The following DCK variants were observed in gnomAD, a reference collection of about 807,000 sequenced individuals.
The protein encoded by DCK is deoxycytidine kinase, also known as deoxyadenosine kinase.
In DCK, 23 loss-of-function variants were observed where a neutral mutation model predicts 38.3. The observed-to-expected ratio is 0.60, with a 90% CI of 0.43 to 0.85. The LOEUF (loss-of-function observed/expected upper bound fraction) is 0.85. Among genes scored for constraint, DCK ranks in the 40% least tolerant of loss-of-function variants. The probability of loss-of-function intolerance (pLI) is 0.00; values close to 1 mark genes in which losing one functional copy is unlikely to be tolerated. For synonymous variants in DCK, 108 were observed against 100.6 expected, an observed-to-expected ratio of 1.07 and a Z score of -0.44; for missense variants, 259 against 304.4, an observed-to-expected ratio of 0.85 and a Z score of 1.11.
chr4:71,022,209 T>C (rs1224629438), intron 2 of DCK, among the ~76,000 whole-genome samples, 158 bp from the exon 3 acceptor site: 2 of 152,212 alleles, frequency 1.3e-5, no homozygotes, highest in Non-Finnish European at 2.9e-5. Flanking sequence ...CTGAAAAATA[T>C]ATTGGGAAAG....
intron 1 of DCK, among the ~76,000 whole-genome samples, chr4:70,997,630 A>G (rs1739689897): frequency 6.6e-6 from 1 of 152,206 alleles, no homozygotes; most frequent in African/African-American, 2.4e-5. Flanking sequence ...GATCTAATTT[A>G]TAAGGAAGAG....
Position 71,023,664 on chromosome 4 carries a change from C to T in DCK, c.507C>T (p.Ser169=), listed in dbSNP as rs1161998005. 25 of 1,613,364 alleles carry T rather than the reference C, an allele frequency of 1.5e-5. No individual in the cohort carries two copies. The Admixed American group carries it at 4.0e-4, about 26-fold the overall frequency. The part of the protein sequence containing the change: ...HDWMNNQFGQ[S]LELDGIIYLQ... ...GGATGAATAACCAATTTGGCCAAAG[C>T]CTTGAATTGGATGGAATCATTTATC... Residue 169 remains serine, a synonymous_variant, in exon 4 of 7, where the codon AGC becomes AGT. Transcript: ENST00000286648.
At chr4:71,018,507 GT>G (rs1740331349) in intron 2 of DCK, among the ~76,000 whole-genome samples, 1 of 151,898 alleles carries the variant, frequency 6.6e-6, no homozygotes, top group African/African-American at 2.4e-5. Flanking sequence ...TCCCACAAAT[GT>G]AGCTAAACTG....
rs1428327242 is a variant in DCK, at chr4:71,022,557, A to T, written c.398A>T (p.Asp133Val). 1 of 1,523,238 alleles carries T rather than the reference A, an allele frequency of 6.6e-7. No homozygotes were observed. Among genetic ancestry groups the T allele is most frequent in the South Asian group, 1.3e-5 (1 of 76,164 alleles). The allele number at this position is 1,523,238 out of a possible 1,614,324, so 94.4% of individuals were successfully genotyped here. A position where few individuals can be genotyped will look rare whatever the true frequency, so the allele number is the denominator to read the frequency against. Reference protein sequence around the residue: ...VLFFERSVYSDRYIFASNLYE... With the variant: ...VLFFERSVYSVRYIFASNLYE... ...TTTTTTGAACGATCTGTGTATAGTG[A>T]CAGGTATGTATAAATGGCTTGTACG... is the stretch of plus-strand genomic sequence containing the variant. Residue 133 changes from aspartate to valine, a missense_variant, in exon 3 of 7, where the codon GAC becomes GTC. Physicochemically the swap from Asp to Val is radical, Grantham distance 152. Transcript: ENST00000286648.
intron 2 of DCK, among the ~76,000 whole-genome samples, chr4:71,019,379 A>G (rs527451607): frequency 6.6e-6 from 1 of 152,286 alleles, no homozygotes; most frequent in African/African-American, 2.4e-5. Context: ...GGTCTTTTTT[A>G]GTTAATTTTT....
chr4:71,021,075 T>C (rs925648721), intron 2 of DCK, among the ~76,000 whole-genome samples: 3 of 147,036 alleles, frequency 2.0e-5, no homozygotes, highest in Non-Finnish European at 4.5e-5. Context: ...TCTTTTTTTT[T>C]TTTTTTTTTT....
chr4:71,013,978 G>A (rs1232549825), intron 2 of DCK, among the ~76,000 whole-genome samples: 3 of 150,894 alleles, frequency 2.0e-5, no homozygotes, highest in Non-Finnish European at 4.5e-5. Context: ...TTGGATAATT[G>A]GATAAAGACT....
intron 2 of DCK, among the ~76,000 whole-genome samples, chr4:71,000,009 A>G (rs1250773792): frequency 6.6e-6 from 1 of 152,114 alleles, no homozygotes; most frequent in African/African-American, 2.4e-5. Flanking sequence ...TTTACTGTGC[A>G]GAAGCTCCTT....
rs779314574 is a variant in DCK, at chr4:71,022,547, G to C, written c.388G>C (p.Val130Leu). ...EKPVLFFERS[V>L]YSDRYIFASN... is the part of the protein sequence containing the mutation. ...ACCTGTATTATTTTTTGAACGATCT[G>C]TGTATAGTGACAGGTATGTATAAAT... The change falls in exon 3 of 7, where the codon GTG (valine) becomes CTG (leucine). Residue 130 changes from valine to leucine, a missense_variant. Physicochemically the swap from Val to Leu is conservative, Grantham distance 32. Around this residue, in one of 3 missense-constraint regions of DCK, gnomAD observed 159 missense variants for 159.0 expected, o/e 1.00. Coordinates refer to ENST00000286648, the MANE Select transcript of DCK (RefSeq NM_000788.3). 6.4e-6 allele frequency: 10 copies of C among 1,563,030 alleles called. No individual in the cohort carries two copies. Among genetic ancestry groups the C allele is most frequent in the Non-Finnish European group, 8.6e-6 (10 of 1,159,116 alleles).
intron 1 of DCK, chr4:70,994,143 A>T: frequency 1.7e-6 from 1 of 583,628 alleles, no homozygotes; most frequent in Non-Finnish European, 3.1e-6. Context: ...ACTGGGCGCC[A>T]GGCCTGCGGT....
chr4:71,005,150 CTG>C, intron 2 of DCK, among the ~76,000 whole-genome samples: 1 of 152,312 alleles, frequency 6.6e-6, no homozygotes, highest in South Asian at 2.1e-4. Context: ...GTTGTGAAGA[CTG>C]TGGGAAAAAG....
At chr4:71,019,392 G>T (rs545580192) in intron 2 of DCK, among the ~76,000 whole-genome samples, 384 of 152,050 alleles carry the variant, frequency 2.5e-3, no homozygotes, top group African/African-American at 8.7e-3. Context: ...TAATTTTTTT[G>T]TTGTGGCAAA....
In DCK at chr4:71,022,560, G is replaced by A; in HGVS notation, c.401G>A (p.Arg134Lys). ...LFFERSVYSD[R>K]YIFASNLYES... Reference sequence around the variant, plus strand: ...TTTGAACGATCTGTGTATAGTGACAGGTATGTATAAATGGCTTGTACGTGG... The same window carrying A: ...TTTGAACGATCTGTGTATAGTGACAAGTATGTATAAATGGCTTGTACGTGG... The change falls in exon 3 of 7, where the codon AGG becomes AAG. Residue 134 changes from arginine (R) to lysine (K), a missense_variant and splice_region_variant. Arg to Lys is a conservative substitution (Grantham distance 26). Transcript: ENST00000286648. 1 of 1,489,588 alleles carries A rather than the reference G, an allele frequency of 6.7e-7. No individual in the cohort carries two copies. The highest frequency in any genetic ancestry group is 8.9e-7 in the Non-Finnish European group (1 of 1,121,394). 92.3% of individuals were successfully genotyped at this position (1,489,588 alleles called of 1,614,324 possible). A position where few individuals can be genotyped will look rare whatever the true frequency, so the allele number is the denominator to read the frequency against.
At chr4:70,996,848 G>A (rs1051160812) in intron 1 of DCK, among the ~76,000 whole-genome samples, 1 of 152,094 alleles carries the variant, frequency 6.6e-6, no homozygotes, top group African/African-American at 2.4e-5. Context: ...GCATTATAAT[G>A]CCTGCTTGGC....
intron 2 of DCK, among the ~76,000 whole-genome samples, chr4:71,003,500 C>T (rs1391230472): frequency 6.6e-6 from 1 of 152,126 alleles, no homozygotes; most frequent in East Asian, 1.9e-4. Flanking sequence ...TGAATGTTGG[C>T]CTGTCTTGCT....
intron 1 of DCK, among the ~76,000 whole-genome samples, chr4:70,994,725 A>G (rs1219515286): frequency 6.6e-6 from 1 of 152,210 alleles, no homozygotes. Flanking sequence ...GAGTACAAGC[A>G]AAGAGGTCTT....
chr4:70,999,023 T>G lies in DCK; in HGVS notation c.207+841T>G, dbSNP rs79155108. Among the ~76,000 whole-genome samples, 15 of 152,242 alleles carry G rather than the reference T, an allele frequency of 9.9e-5. No homozygotes were observed. In the East Asian group the frequency reaches 2.9e-3, roughly 29 times the overall value. On this transcript the variant is annotated intron_variant, in intron 2 of 6. Coordinates refer to ENST00000286648, the MANE Select transcript of DCK (RefSeq NM_000788.3). ...AAGTTTTCTTTTTCATAAAAATTTCTTTTTTTGTTGTTATCCTTTAAGTTC... is the reference window on the plus strand; with the variant it reads ...AAGTTTTCTTTTTCATAAAAATTTCGTTTTTTGTTGTTATCCTTTAAGTTC...
At chr4:71,029,300 A>T in intron 6 of DCK, 52 bp from the exon 7 acceptor site, 3 of 1,230,240 alleles carry the variant, frequency 2.4e-6, no homozygotes, top group Non-Finnish European at 3.5e-6. Flanking sequence ...AATATTAGAT[A>T]CCTCAAATTA....
At chr4:71,004,970 C>T (rs1378300323) in intron 2 of DCK, among the ~76,000 whole-genome samples, 1 of 151,536 alleles carries the variant, frequency 6.6e-6, no homozygotes, top group African/African-American at 2.4e-5. Context: ...TGGCTTCAGC[C>T]CCCTTTCTAG....
Sources: allele counts gnomAD v4.1 joint callset (sites outside exome capture counted in the v4.1 genomes callset), GRCh38; gene constraint gnomAD v4.1.1; regional missense constraint gnomAD v4.1.1; transcripts MANE v1.5; gene names NCBI Gene and HGNC (gene_info 2026-07-23, HGNC 2026-07-21).